ZFHX3: variants seen among roughly 807,000 people sequenced by gnomAD.
ZFHX3 encodes zinc finger homeobox 3.
A neutral mutation model predicts 279.1 loss-of-function variants in ZFHX3; 42 were observed. The observed-to-expected ratio is 0.15, with a 90% confidence interval of 0.12 to 0.19. The LOEUF is 0.19. Among genes scored for constraint, ZFHX3 ranks in the 10% least tolerant of loss-of-function variants. The probability of loss-of-function intolerance (pLI) is 1.00; values close to 1 mark genes in which losing one functional copy is unlikely to be tolerated. For synonymous variants in ZFHX3, 2,293 were observed against 1,957.8 expected (o/e 1.17, Z -4.52); for missense variants, 4,981 against 4,754.0 (o/e 1.05, Z -1.40).
At chr16:73,582,802 C>G (rs1024887113) in intron 2 of ZFHX3, among the ~76,000 whole-genome samples, 2 of 151,890 alleles carry the variant, frequency 1.3e-5, no homozygotes, top group Middle Eastern at 3.4e-3. Context: ...TCTAGACTTC[C>G]CATCTGAACC....
intron 5 of ZFHX3, among the ~76,000 whole-genome samples, chr16:73,188,685 T>C (rs1157232716): frequency 2.0e-5 from 3 of 152,146 alleles, no homozygotes; most frequent in Non-Finnish European, 2.9e-5. Flanking sequence ...GCTATTTTGC[T>C]ACTGTTGGAA....
At position 72,808,365 on chromosome 16, in the gene ZFHX3, G is replaced by C. The variant is rs142838527; in HGVS notation, c.3864+3212C>G. On this transcript the variant is annotated intron_variant, in intron 7 of 9. Coordinates refer to ENST00000268489, the MANE Select transcript of ZFHX3 (RefSeq NM_006885.4). Reference sequence around the variant, plus strand: ...TTTTTTTTTTCCTGCTGAACTAAAGGCCTGAGATAGAAATGCATAGTTTGG... The same window carrying C: ...TTTTTTTTTTCCTGCTGAACTAAAGCCCTGAGATAGAAATGCATAGTTTGG... Among the ~76,000 whole-genome samples the C allele has an allele frequency of 2.3e-4, 35 of 152,090 alleles. 1 individual carries two copies. The East Asian group carries it at 6.8e-3, about 29-fold the overall frequency.
At chr16:73,679,791 C>A (rs2052991521) in intron 2 of ZFHX3, 1 of 152,158 alleles carries the variant, frequency 6.6e-6, no homozygotes, top group Admixed American at 6.5e-5. Flanking sequence ...GTACATTAAG[C>A]ACTGAAATTA....
At chr16:73,516,230 G>T (rs1665612052) in intron 2 of ZFHX3, among the ~76,000 whole-genome samples, 1 of 152,080 alleles carries the variant, frequency 6.6e-6, no homozygotes, top group Non-Finnish European at 1.5e-5. Context: ...TTAGAGTTGG[G>T]GCTGCACAGC....
intron 4 of ZFHX3, among the ~76,000 whole-genome samples, chr16:73,265,169 C>T (rs2013941555): frequency 6.6e-6 from 1 of 151,424 alleles, no homozygotes; most frequent in Non-Finnish European, 1.5e-5. Context: ...CACATTTTTG[C>T]AACTGTGAAT....
chr16:73,777,718 C>T (rs893257205), intron 1 of ZFHX3, among the ~76,000 whole-genome samples: 8 of 152,066 alleles, frequency 5.3e-5, no homozygotes, highest in Non-Finnish European at 1.2e-4. Flanking sequence ...ACTTAACATC[C>T]AGTACCTCAT....
At chr16:73,627,930 A>G (rs1178948451) in intron 2 of ZFHX3, among the ~76,000 whole-genome samples, 5 of 152,188 alleles carry the variant, frequency 3.3e-5, no homozygotes, top group African/African-American at 1.2e-4. Flanking sequence ...AAAGAAAAGA[A>G]AAGAAAACAG....
chr16:72,850,710 C>T (rs534897047), intron 4 of ZFHX3, among the ~76,000 whole-genome samples: 1 of 152,148 alleles, frequency 6.6e-6, no homozygotes, highest in African/African-American at 2.4e-5. Flanking sequence ...CTAAGATGTG[C>T]TTTGGGCTCA....
chr16:73,753,880 G>A (rs1431387792), intron 1 of ZFHX3, among the ~76,000 whole-genome samples: 2 of 152,038 alleles, frequency 1.3e-5, no homozygotes, highest in Non-Finnish European at 2.9e-5. Context: ...CTCTAACCCT[G>A]TAATTCCCCT....
chr16:73,156,455 A>G (rs1967087758), intron 5 of ZFHX3, among the ~76,000 whole-genome samples: 1 of 152,200 alleles, frequency 6.6e-6, no homozygotes, highest in Non-Finnish European at 1.5e-5. Flanking sequence ...AACTGCTACC[A>G]TGGATCCGTC....
chr16:73,642,803 T>G (rs1039692052), intron 2 of ZFHX3, among the ~76,000 whole-genome samples: 6 of 152,174 alleles, frequency 3.9e-5, no homozygotes, highest in African/African-American at 1.4e-4. Context: ...CTCTAAAGGT[T>G]ATTCAAGTCA....
intron 2 of ZFHX3, among the ~76,000 whole-genome samples, chr16:73,462,642 C>G (rs949899684): frequency 2.6e-5 from 4 of 152,104 alleles, no homozygotes; most frequent in African/African-American, 9.7e-5. Flanking sequence ...TTGTCAAATA[C>G]TTTTCTGCAT....
intron 5 of ZFHX3, among the ~76,000 whole-genome samples, chr16:73,248,763 C>T (rs1451391671): frequency 2.6e-5 from 4 of 152,024 alleles, no homozygotes; most frequent in Non-Finnish European, 4.4e-5. Context: ...TTTTCTAGAC[C>T]ACATGAGTAA....
At chr16:73,068,835 G>T (rs74813850) in intron 8 of ZFHX3, among the ~76,000 whole-genome samples, 89 of 152,344 alleles carry the variant, frequency 5.8e-4, no homozygotes, top group African/African-American at 2.0e-3. Flanking sequence ...AGGCCCTAAG[G>T]TAGGGAAGGC....
Position 72,786,658 on chromosome 16 carries a change from A to AAGGGCC in ZFHX3, c.*505_*506insGGCCCT, listed in dbSNP as rs2035389196. The AAGGGCC allele has an allele frequency of 6.6e-6, 1 of 152,014 alleles. No individual in the cohort carries two copies. Among genetic ancestry groups the AAGGGCC allele is most frequent in the Admixed American group, 6.6e-5 (1 of 15,222 alleles). 9.4% of individuals were successfully genotyped at this position (152,014 alleles called of 1,614,324 possible). A position where few individuals can be genotyped will look rare whatever the true frequency, so the allele number is the denominator to read the frequency against. ...TCTGAAAACAAAGTGTGAGCGATTG[A>AAGGGCC]CCTGAGAATAAAAAGACATTACATT... is the stretch of plus-strand genomic sequence containing the variant. On this transcript the variant is annotated 3_prime_UTR_variant, in exon 10 of 10. Coordinates refer to ENST00000268489, the MANE Select transcript of ZFHX3 (RefSeq NM_006885.4).
chr16:73,029,268 C>A (rs1964614678), intron 1 of ZFHX3, among the ~76,000 whole-genome samples: 1 of 152,184 alleles, frequency 6.6e-6, no homozygotes, highest in African/African-American at 2.4e-5. Flanking sequence ...ACCACACTGG[C>A]GTGTTTCCCA....
intron 4 of ZFHX3, among the ~76,000 whole-genome samples, chr16:73,286,119 C>A (rs1301932498): frequency 1.3e-5 from 2 of 152,080 alleles, no homozygotes; most frequent in Non-Finnish European, 2.9e-5. Flanking sequence ...CCAACCAATT[C>A]TTCCCTCCGC....
At chr16:73,790,075 C>T (rs555587761) in intron 1 of ZFHX3, among the ~76,000 whole-genome samples, 1 of 152,148 alleles carries the variant, frequency 6.6e-6, no homozygotes, top group East Asian at 1.9e-4. Context: ...TGAAACTTGC[C>T]ATGCAAAAGG....
intron 5 of ZFHX3, among the ~76,000 whole-genome samples, chr16:73,225,846 A>G (rs2012575438): frequency 6.6e-6 from 1 of 151,966 alleles, no homozygotes; most frequent in African/African-American, 2.4e-5. Flanking sequence ...CACTTCACTA[A>G]CTCACTGAAC....
Sources: gnomAD v4.1 joint callset for allele counts (sites outside exome capture counted in the v4.1 genomes callset) on GRCh38, gnomAD v4.1.1 for gene constraint, MANE v1.5 for transcripts, NCBI Gene and HGNC (gene_info 2026-07-23, HGNC 2026-07-21) for gene names.